The following GABRB1 variants were observed in gnomAD, a reference collection of about 807,000 sequenced individuals.
GABRB1 encodes gamma-aminobutyric acid type A receptor subunit beta1.
In GABRB1, 17 loss-of-function variants were observed where a neutral mutation model predicts 51.6. The observed-to-expected ratio is 0.33, with a 90% CI of 0.23 to 0.49. The LOEUF (loss-of-function observed/expected upper bound fraction) is 0.49. Ranked by LOEUF, GABRB1 falls within the 20% of genes least tolerant of loss-of-function variation. The pLI, the probability that GABRB1 is intolerant of heterozygous loss-of-function variation, is 0.99. For synonymous variants in GABRB1, 247 were observed against 218.9 expected (o/e 1.13, Z -1.14); for missense variants, 410 against 600.6 (o/e 0.68, Z 3.32).
intron 5 of GABRB1, among the ~76,000 whole-genome samples, chr4:47,374,852 G>A (rs1432128609): frequency 6.6e-6 from 1 of 152,186 alleles, no homozygotes; most frequent in African/African-American, 2.4e-5. Context: ...AGAAGCCAAA[G>A]GGATGGATAG....
At chr4:47,108,777 G>A (rs578221929) in intron 3 of GABRB1, among the ~76,000 whole-genome samples, 5 of 151,906 alleles carry the variant, frequency 3.3e-5, no homozygotes, top group Non-Finnish European at 4.4e-5. Context: ...GTTCCTTTTT[G>A]ACAAATACAG....
chr4:47,104,545 G>A (rs1714870012), intron 3 of GABRB1, among the ~76,000 whole-genome samples: 1 of 149,958 alleles, frequency 6.7e-6, no homozygotes, highest in Non-Finnish European at 1.5e-5. Context: ...CTTTTATCCA[G>A]GATTCCAATT....
At chr4:47,355,360 T>A (rs1178051953) in intron 5 of GABRB1, among the ~76,000 whole-genome samples, 1 of 152,112 alleles carries the variant, frequency 6.6e-6, no homozygotes. Context: ...ATGTGCACAA[T>A]GTGCAGGTAG....
chr4:47,242,200 T>C (rs1481153339), intron 4 of GABRB1, among the ~76,000 whole-genome samples: 4 of 152,202 alleles, frequency 2.6e-5, no homozygotes, highest in Non-Finnish European at 5.9e-5. Flanking sequence ...TCCATGTCCC[T>C]ACAAAGGACA....
chr4:47,182,335 C>G lies in GABRB1; in HGVS notation c.461+20866C>G, dbSNP rs139238978. ...GATGCAGTAGAGATTCATGGTTTCA[C>G]ACTGCAGAAAAAAGGTATGACATTC... is the stretch of plus-strand genomic sequence containing the variant. On this transcript the variant is annotated intron_variant, in intron 4 of 8. Transcript: ENST00000295454. 8.5e-3 allele frequency among the ~76,000 whole-genome samples: 1,290 copies of G among 151,950 alleles called. 19 individuals are homozygous for G. Among genetic ancestry groups the G allele is most frequent in the African/African-American group, 0.03 (1,223 of 41,446 alleles).
chr4:47,384,035 G>GA (rs1727687833), intron 5 of GABRB1, among the ~76,000 whole-genome samples: 1 of 151,928 alleles, frequency 6.6e-6, no homozygotes, highest in South Asian at 2.1e-4. Flanking sequence ...CCCTCTACAG[G>GA]ATATTTAAAT....
At chr4:47,104,600 A>G (rs1436456715) in intron 3 of GABRB1, among the ~76,000 whole-genome samples, 1 of 150,912 alleles carries the variant, frequency 6.6e-6, no homozygotes, top group African/African-American at 2.4e-5. Flanking sequence ...GCTGTTGGGT[A>G]TTCTGTTCTT....
chr4:47,019,641 T>C (rs866529009), intron 1 of GABRB1, among the ~76,000 whole-genome samples: 20 of 132,942 alleles, frequency 1.5e-4, no homozygotes, highest in African/African-American at 3.9e-4. Context: ...CTTTCTTTCT[T>C]TCTTTCTTTC....
intron 3 of GABRB1, among the ~76,000 whole-genome samples, chr4:47,061,711 C>T (rs950387806): frequency 6.6e-6 from 1 of 152,170 alleles, no homozygotes; most frequent in South Asian, 2.1e-4. Flanking sequence ...GCAAACGTCT[C>T]GTCTTCAAAG....
At chr4:47,015,969 C>T (rs1724729729) in intron 1 of GABRB1, among the ~76,000 whole-genome samples, 1 of 152,082 alleles carries the variant, frequency 6.6e-6, no homozygotes, top group African/African-American at 2.4e-5. Flanking sequence ...TGGCCAAATG[C>T]CACAGCAGCT....
chr4:47,101,160 C>T (rs752582592), intron 3 of GABRB1, among the ~76,000 whole-genome samples: 8 of 152,012 alleles, frequency 5.3e-5, no homozygotes, highest in Non-Finnish European at 7.4e-5. Context: ...CACATGTTTT[C>T]GAACTAGACT....
chr4:46,996,933 C>T (rs1359660813), intron 1 of GABRB1, among the ~76,000 whole-genome samples: 1 of 152,152 alleles, frequency 6.6e-6, no homozygotes, highest in Non-Finnish European at 1.5e-5. Context: ...ATGTGAATTA[C>T]TGCTTTAAAT....
At chr4:47,215,760 A>C (rs536943703) in intron 4 of GABRB1, among the ~76,000 whole-genome samples, 1 of 152,214 alleles carries the variant, frequency 6.6e-6, no homozygotes, top group South Asian at 2.1e-4. Flanking sequence ...ACTTATTTAC[A>C]AGAAATAAAC....
At chr4:47,348,553 T>C (rs1726189138) in intron 5 of GABRB1, among the ~76,000 whole-genome samples, 1 of 152,214 alleles carries the variant, frequency 6.6e-6, no homozygotes, top group African/African-American at 2.4e-5. Flanking sequence ...CCTAGATATT[T>C]CATTATGTAT....
At chr4:47,067,513 C>T (rs1192960181) in intron 3 of GABRB1, among the ~76,000 whole-genome samples, 19 of 152,168 alleles carry the variant, frequency 1.2e-4, no homozygotes, top group Admixed American at 1.2e-3. Context: ...GCTGAATCTT[C>T]TGGATGACTT....
chr4:47,321,251 G>A (rs2109964043), intron 5 of GABRB1, among the ~76,000 whole-genome samples: 1 of 152,250 alleles, frequency 6.6e-6, no homozygotes, highest in Non-Finnish European at 1.5e-5. Context: ...TAAACATTAA[G>A]AAAGTAAAGG....
chr4:47,142,865 A>T (rs891120894), intron 3 of GABRB1, among the ~76,000 whole-genome samples: 16 of 151,796 alleles, frequency 1.1e-4, no homozygotes, highest in Admixed American at 8.6e-4. Flanking sequence ...TGAATCAGTG[A>T]TTTTCAGTAT....
rs1338784522 is a variant in GABRB1, at chr4:47,017,267, A to G, written c.-19-14647A>G. On this transcript the variant is annotated intron_variant, in intron 1 of 3. Transcript: ENST00000513567. ...GTCTAAAGGATTGCTTGGGATCATGATTTTGATATGACACAACTGTCAGGG... is the reference window on the plus strand; with the variant it reads ...GTCTAAAGGATTGCTTGGGATCATGGTTTTGATATGACACAACTGTCAGGG... Among the ~76,000 whole-genome samples, 3 of 152,178 alleles carry G rather than the reference A, an allele frequency of 2.0e-5. No homozygotes were observed. In the East Asian group the frequency reaches 5.8e-4, roughly 29 times the overall value.
intron 4 of GABRB1, among the ~76,000 whole-genome samples, chr4:47,247,045 A>C (rs1721792445): frequency 6.6e-6 from 1 of 152,040 alleles, no homozygotes; most frequent in Admixed American, 6.6e-5. Context: ...CCAACCATTT[A>C]TCTTAGTTTT....
Sources: gnomAD v4.1 joint callset for allele counts (sites outside exome capture counted in the v4.1 genomes callset) on GRCh38, gnomAD v4.1.1 for gene constraint, MANE v1.5 for transcripts, NCBI Gene and HGNC (gene_info 2026-07-23, HGNC 2026-07-21) for gene names.